CALCR: variants seen among roughly 807,000 people sequenced by gnomAD.
The protein encoded by CALCR is calcitonin receptor.
CALCR carries 47 observed loss-of-function variants against 59.5 expected under a neutral mutation model. The observed-to-expected ratio is 0.79, with a 90% CI of 0.63 to 1.01. CALCR has a LOEUF of 1.01. Among genes scored for constraint, CALCR ranks in the 50% least tolerant of loss-of-function variants. CALCR has a pLI of 0.00. For missense variants in CALCR, 566 were observed against 597.1 expected (o/e 0.95, Z 0.54); for synonymous variants, 213 against 211.3 (o/e 1.01, Z -0.07).
chr7:93,486,023 G>A (rs1800936431), intron 3 of CALCR, among the ~76,000 whole-genome samples: 1 of 151,498 alleles, frequency 6.6e-6, no homozygotes, highest in South Asian at 2.1e-4. Flanking sequence ...AGACAGACTT[G>A]TAGGCCTATA....
rs34590301 is a variant in CALCR, at chr7:93,574,395, G to A, written c.-133C>T. 11,767 of 152,238 alleles carry A rather than the reference G, an allele frequency of 0.077. 534 individuals carry two copies. The highest frequency in any genetic ancestry group is 0.084 in the African/African-American group (3,506 of 41,524). 9.4% of individuals were successfully genotyped at this position (152,238 alleles called of 1,614,324 possible). ...GCTCAAGCTTCAGCGCCCATCTCCT[G>A]GGCAGGAGATGTCAGCCGCAGGGTG... On this transcript the variant is annotated 5_prime_UTR_variant, in exon 2 of 14. Transcript: ENST00000426151.
At chr7:93,485,143 G>A (rs931145050) in intron 3 of CALCR, among the ~76,000 whole-genome samples, 2 of 151,714 alleles carry the variant, frequency 1.3e-5, no homozygotes, top group East Asian at 3.9e-4. Flanking sequence ...ATCAAATTTT[G>A]TTTTATGGAC....
chr7:93,470,649 CT>C (rs946947343), intron 6 of CALCR, among the ~76,000 whole-genome samples: 97 of 149,296 alleles, frequency 6.5e-4, no homozygotes, highest in Middle Eastern at 3.5e-3. Context: ...TCAAGGTTGA[CT>C]TTTTTTTTAA....
intron 6 of CALCR, among the ~76,000 whole-genome samples, chr7:93,471,030 G>T (rs1056663838): frequency 6.7e-6 from 1 of 149,942 alleles, no homozygotes; most frequent in Admixed American, 6.8e-5. Context: ...GCGGTGTTTG[G>T]TTTTTTGTTC....
chr7:93,475,047 G>C (rs1800638751), intron 5 of CALCR, among the ~76,000 whole-genome samples: 1 of 151,492 alleles, frequency 6.6e-6, no homozygotes, highest in Non-Finnish European at 1.5e-5. Context: ...TAGTAGTTTT[G>C]GTTACTCAAT....
chr7:93,467,615 T>A (rs1036756202), intron 7 of CALCR, among the ~76,000 whole-genome samples: 2 of 151,698 alleles, frequency 1.3e-5, no homozygotes, highest in Non-Finnish European at 3.0e-5. Flanking sequence ...ATCTTTACCA[T>A]TTTAAACATA....
At chr7:93,533,470 A>T (rs1352616288) in intron 2 of CALCR, among the ~76,000 whole-genome samples, 2 of 152,002 alleles carry the variant, frequency 1.3e-5, no homozygotes, top group Non-Finnish European at 2.9e-5. Flanking sequence ...CAATGTAATT[A>T]TCAGCCTTTG....
At chr7:93,467,034 A>T (rs1800454406) in intron 7 of CALCR, among the ~76,000 whole-genome samples, 1 of 130,312 alleles carries the variant, frequency 7.7e-6, no homozygotes, top group African/African-American at 2.6e-5. Flanking sequence ...AATTTGGGGA[A>T]TTTTTCTTTC....
intron 2 of CALCR, among the ~76,000 whole-genome samples, chr7:93,570,292 T>C (rs528632359): frequency 1.3e-5 from 2 of 152,278 alleles, no homozygotes; most frequent in South Asian, 4.1e-4. Context: ...ACACTGAAGT[T>C]AGCACATAGA....
chr7:93,522,837 AT>A (rs1342468070), intron 2 of CALCR, among the ~76,000 whole-genome samples: 1 of 152,280 alleles, frequency 6.6e-6, no homozygotes, highest in Non-Finnish European at 1.5e-5. Flanking sequence ...TAAGTTAATT[AT>A]TTTTTAAAGT....
At chr7:93,538,820 A>G (rs377668076) in intron 2 of CALCR, among the ~76,000 whole-genome samples, 287 of 152,200 alleles carry the variant, frequency 1.9e-3, no homozygotes, top group African/African-American at 6.5e-3. Flanking sequence ...TCAGATGATT[A>G]TTTAAACAGT....
intron 11 of CALCR, among the ~76,000 whole-genome samples, chr7:93,437,292 T>G (rs1160794360): frequency 6.6e-6 from 1 of 152,160 alleles, no homozygotes; most frequent in African/African-American, 2.4e-5. Flanking sequence ...CTTTATTTAT[T>G]ATTTTATTAG....
intron 8 of CALCR, among the ~76,000 whole-genome samples, chr7:93,444,104 C>A (rs1208034197): frequency 5.3e-5 from 8 of 152,082 alleles, no homozygotes; most frequent in Non-Finnish European, 8.8e-5. Flanking sequence ...TTTATGGCCC[C>A]TTTTCTATGG....
intron 8 of CALCR, among the ~76,000 whole-genome samples, chr7:93,449,453 A>G (rs149549946): frequency 4.6e-5 from 7 of 152,090 alleles, no homozygotes; most frequent in African/African-American, 1.4e-4. Flanking sequence ...TGAATGTGTA[A>G]TTGCTGTTAA....
In CALCR at chr7:93,530,543, T is replaced by A. The variant is rs565609447; in HGVS notation, c.-26-43536A>T. Among the ~76,000 whole-genome samples, 10 of 152,254 alleles carry A rather than the reference T, an allele frequency of 6.6e-5. No individual in the cohort carries two copies. The East Asian group carries it at 1.9e-3, about 29-fold the overall frequency. On this transcript the variant is annotated intron_variant, in intron 2 of 13. Transcript: ENST00000426151. ...CAAATCATCCACAAGTGGTACATTT[T>A]AAAATTCATTAGAGATCTTTGACAT...
At chr7:93,479,098 T>C (rs957675625) in intron 4 of CALCR, among the ~76,000 whole-genome samples, 1 of 151,862 alleles carries the variant, frequency 6.6e-6, no homozygotes, top group Non-Finnish European at 1.5e-5. Flanking sequence ...CTGTTCCGGC[T>C]CACCAGGTGT....
chr7:93,523,403 T>C (rs1303590816), intron 2 of CALCR, among the ~76,000 whole-genome samples: 2 of 152,196 alleles, frequency 1.3e-5, no homozygotes, highest in African/African-American at 2.4e-5. Context: ...GTTCTTGTAA[T>C]CACTACATTT....
chr7:93,500,674 G>A (rs2023771), intron 2 of CALCR, among the ~76,000 whole-genome samples: 91,625 of 151,790 alleles, frequency 0.6, 29,729 homozygotes, highest in African/African-American at 0.86. Context: ...TCAAATATTT[G>A]CTGAATCCAA....
intron 2 of CALCR, among the ~76,000 whole-genome samples, chr7:93,536,584 G>A (rs1213554923): frequency 6.6e-6 from 1 of 151,660 alleles, no homozygotes; most frequent in Admixed American, 6.6e-5. Flanking sequence ...TAGGGTACAT[G>A]TGCACAACGT....
Sources: gnomAD v4.1 joint callset for allele counts (sites outside exome capture counted in the v4.1 genomes callset) on GRCh38, gnomAD v4.1.1 for gene constraint, MANE v1.5 for transcripts, NCBI Gene and HGNC (gene_info 2026-07-23, HGNC 2026-07-21) for gene names.